Variants in ACYP2 observed in about 807,000 individuals in gnomAD.
ACYP2 encodes acylphosphatase-2.
ACYP2 carries 12 observed loss-of-function variants against 11.2 expected under a neutral mutation model. The observed-to-expected ratio is 1.08, with a 90% confidence interval of 0.69 to 1.74. The LOEUF is 1.74. Ranked by LOEUF, ACYP2 falls within the 40% of genes most tolerant of loss-of-function variation. The pLI is 0.00. For synonymous variants in ACYP2, 43 were observed against 32.2 expected (o/e 1.33, Z -1.13); for missense variants, 134 against 101.9 (o/e 1.31, Z -1.35).
At chr2:54,286,716 A>G (rs1461885872) in intron 6 of ACYP2, among the ~76,000 whole-genome samples, 1 of 152,020 alleles carries the variant, frequency 6.6e-6, no homozygotes, top group Non-Finnish European at 1.5e-5. Context: ...AAAAATCTTT[A>G]TGCTGTTTTG....
chr2:54,035,236 C>G (rs1428959448), intron 2 of ACYP2, among the ~76,000 whole-genome samples: 1 of 149,900 alleles, frequency 6.7e-6, no homozygotes, highest in African/African-American at 2.4e-5. Context: ...GGCCCTGACT[C>G]TAACTAGAGA....
At chr2:54,088,375 T>C (rs892122202) in intron 4 of ACYP2, among the ~76,000 whole-genome samples, 5 of 152,196 alleles carry the variant, frequency 3.3e-5, no homozygotes, top group Admixed American at 1.3e-4. Context: ...CACAGGCCAC[T>C]GTCCCTCCTG....
At chr2:54,182,784 GTTT>G (rs538043811) in intron 6 of ACYP2, among the ~76,000 whole-genome samples, 1 of 151,244 alleles carries the variant, frequency 6.6e-6, no homozygotes, top group Non-Finnish European at 1.5e-5. Flanking sequence ...AGTGGAAGTT[GTTT>G]TTTTTTCTTT....
In ACYP2 at chr2:54,242,686, G is replaced by A. The variant is rs530985683; in HGVS notation, c.405-62002G>A. On this transcript the variant is annotated intron_variant, in intron 6 of 6. Coordinates refer to ENST00000607452, the MANE Select transcript of ACYP2 (RefSeq NM_001320586.2). ...GTTGCCTACACTATTCAGTAACATG[G>A]CATACTATACACTCCATTGCACTCC... Among the ~76,000 whole-genome samples the A allele has an allele frequency of 3.3e-5, 5 of 152,234 alleles. No homozygotes were observed. In the South Asian group the frequency reaches 1.0e-3, roughly 32 times the overall value.
Position 54,177,293 on chromosome 2 carries a change from A to G in ACYP2, c.404+38545A>G, listed in dbSNP as rs116002045. 6.0e-3 allele frequency among the ~76,000 whole-genome samples: 913 copies of G among 152,258 alleles called. 9 individuals carry two copies. Among genetic ancestry groups the G allele is most frequent in the African/African-American group, 0.021 (866 of 41,558 alleles). On this transcript the variant is annotated intron_variant, in intron 6 of 6. Coordinates refer to ENST00000607452, the MANE Select transcript of ACYP2 (RefSeq NM_001320586.2). ...AGAGACTGGGATATCCCTCGTCACC[A>G]GGCTGTGTGTTGGAAGAGGCATCAT...
chr2:54,179,999 C>G (rs1045810952), intron 6 of ACYP2, among the ~76,000 whole-genome samples: 12 of 152,116 alleles, frequency 7.9e-5, no homozygotes, highest in African/African-American at 2.9e-4. Flanking sequence ...GAACTTCTGA[C>G]CAACTGACTG....
intron 4 of ACYP2, among the ~76,000 whole-genome samples, chr2:54,096,429 G>A (rs1336191227): frequency 1.3e-5 from 2 of 152,002 alleles, no homozygotes; most frequent in Non-Finnish European, 2.9e-5. Flanking sequence ...CCCAGACGGG[G>A]TGGCGGCCTG....
intron 3 of ACYP2, chr2:54,051,471 G>T: frequency 1.4e-6 from 1 of 691,582 alleles, no homozygotes; most frequent in East Asian, 2.5e-5. Context: ...AGAAGTTTGA[G>T]GATCCCAGTG....
At chr2:54,019,908 C>T (rs1673912998) in intron 2 of ACYP2, among the ~76,000 whole-genome samples, 1 of 152,080 alleles carries the variant, frequency 6.6e-6, no homozygotes, top group Non-Finnish European at 1.5e-5. Flanking sequence ...GCATGAGCCA[C>T]TGCACCTGGC....
chr2:54,091,897 G>C (rs1678252905), intron 4 of ACYP2, among the ~76,000 whole-genome samples: 1 of 152,150 alleles, frequency 6.6e-6, no homozygotes, highest in South Asian at 2.1e-4. Context: ...CCTCAGAGAT[G>C]CTGGTGGGAG....
intron 6 of ACYP2, among the ~76,000 whole-genome samples, chr2:54,150,739 C>CT (rs11295809): frequency 0.016 from 2,263 of 137,302 alleles, 60 homozygotes; most frequent in African/African-American, 0.05. Context: ...GCGTTTCTTT[C>CT]TTTTTTTTTT....
chr2:54,179,852 G>C (rs989260290), intron 6 of ACYP2, among the ~76,000 whole-genome samples: 1 of 152,088 alleles, frequency 6.6e-6, no homozygotes, highest in African/African-American at 2.4e-5. Context: ...GTAGTTTTGA[G>C]GCTTATTTTA....
intron 6 of ACYP2, among the ~76,000 whole-genome samples, chr2:54,153,885 C>T (rs1161395328): frequency 1.3e-5 from 2 of 152,134 alleles, no homozygotes; most frequent in African/African-American, 4.8e-5. Flanking sequence ...TAGGCATGAG[C>T]CACCGCACCT....
intron 2 of ACYP2, among the ~76,000 whole-genome samples, chr2:54,009,171 G>T (rs929459553): frequency 6.7e-4 from 102 of 151,150 alleles, no homozygotes; most frequent in East Asian, 1.6e-3. Context: ...AAAAAATTCA[G>T]ACAGCAAAAG....
intron 2 of ACYP2, among the ~76,000 whole-genome samples, chr2:53,988,412 T>G (rs1175618193): frequency 6.6e-6 from 1 of 152,188 alleles, no homozygotes; most frequent in African/African-American, 2.4e-5. Context: ...TTATTTATTA[T>G]TATTTTTAGA....
chr2:54,115,779 G>C (rs970308729), intron 4 of ACYP2, 23 bp downstream of exon 1: 2 of 1,584,572 alleles, frequency 1.3e-6, no homozygotes, highest in Non-Finnish European at 1.7e-6. Context: ...TCTACGGTGG[G>C]AGATCAAAAA....
chr2:53,973,907 ATTT>A (rs1205008152), intron 2 of ACYP2: 33 of 41,196 alleles, frequency 8.0e-4, no homozygotes, highest in African/African-American at 2.4e-3. Flanking sequence ...GTGTGTATAT[ATTT>A]TTTTTTTTTT....
intron 4 of ACYP2, among the ~76,000 whole-genome samples, chr2:54,058,454 C>T (rs1357070149): frequency 6.6e-6 from 1 of 152,036 alleles, no homozygotes; most frequent in African/African-American, 2.4e-5. Context: ...TATCTATTAA[C>T]CCCTGACACA....
At chr2:54,179,171 A>G (rs927502239) in intron 6 of ACYP2, among the ~76,000 whole-genome samples, 1 of 138,064 alleles carries the variant, frequency 7.2e-6, no homozygotes, top group Non-Finnish European at 1.5e-5. Flanking sequence ...AAAAAACTCA[A>G]AGTGCTTTCT....
Sources: gnomAD v4.1 joint callset for allele counts (sites outside exome capture counted in the v4.1 genomes callset) on GRCh38, gnomAD v4.1.1 for gene constraint, MANE v1.5 for transcripts, NCBI Gene and HGNC (gene_info 2026-07-23, HGNC 2026-07-21) for gene names.